The following FNDC3B variants were observed in gnomAD, a reference collection of about 807,000 sequenced individuals.
FNDC3B encodes fibronectin type III domain-containing protein 3B.
A neutral mutation model predicts 151.5 loss-of-function variants in FNDC3B; 12 were observed. The ratio of observed to expected loss-of-function variants is 0.08; its 90% confidence interval spans 0.05 to 0.13. The LOEUF is 0.13. Ranked by LOEUF, FNDC3B falls within the 10% of genes least tolerant of loss-of-function variation. The pLI is 1.00. For synonymous variants in FNDC3B, 528 were observed against 549.0 expected, an observed-to-expected ratio of 0.96 and a Z score of 0.54; for missense variants, 1,214 against 1,505.3, an observed-to-expected ratio of 0.81 and a Z score of 3.20.
chr3:172,084,696 T>A (rs1718463950), intron 1 of FNDC3B, among the ~76,000 whole-genome samples: 1 of 152,264 alleles, frequency 6.6e-6, no homozygotes, highest in Non-Finnish European at 1.5e-5. Context: ...GGTTAATTTG[T>A]CCAGTTACAT....
At chr3:172,306,513 TTTG>T (rs910657142) in intron 9 of FNDC3B, among the ~76,000 whole-genome samples, 4 of 152,232 alleles carry the variant, frequency 2.6e-5, no homozygotes, top group Non-Finnish European at 2.9e-5. Flanking sequence ...CAAAGTGTTC[TTTG>T]TTGTTGTTGT....
In FNDC3B at chr3:172,192,376, A is replaced by G. The variant is rs183470809; in HGVS notation, c.188-34495A>G. ...ATTATTTTGTGTTTTTAGTAGAGAC[A>G]GGGTTTCACCGTGTTAGCCAGGATG... On this transcript the variant is annotated intron_variant, in intron 3 of 25. Coordinates refer to ENST00000415807, the MANE Select transcript of FNDC3B (RefSeq NM_022763.4). 8.0e-3 allele frequency among the ~76,000 whole-genome samples: 1,213 copies of G among 151,900 alleles called. 11 individuals carry two copies. Among genetic ancestry groups the G allele is most frequent in the South Asian group, 0.028 (136 of 4,800 alleles).
At chr3:172,315,950 C>A (rs1489804267) in intron 11 of FNDC3B, among the ~76,000 whole-genome samples, 1 of 151,790 alleles carries the variant, frequency 6.6e-6, no homozygotes, top group African/African-American at 2.4e-5. Context: ...GGCACCCTTC[C>A]AAGCTACATT....
chr3:172,077,377 G>A (rs1304427977), intron 1 of FNDC3B, among the ~76,000 whole-genome samples: 1 of 152,174 alleles, frequency 6.6e-6, no homozygotes, highest in Non-Finnish European at 1.5e-5. Flanking sequence ...GAAAGGGCAT[G>A]GGAAGGAAGC....
chr3:172,074,578 C>T (rs1717920692), intron 1 of FNDC3B, among the ~76,000 whole-genome samples: 1 of 152,108 alleles, frequency 6.6e-6, no homozygotes, highest in Admixed American at 6.5e-5. Context: ...TGTCTTTTGG[C>T]TGTAGAGTAT....
chr3:172,201,911 A>C (rs947650140), intron 3 of FNDC3B, among the ~76,000 whole-genome samples: 11 of 152,146 alleles, frequency 7.2e-5, no homozygotes, highest in African/African-American at 2.7e-4. Flanking sequence ...TTGAAATTCA[A>C]CTTTATCTGG....
At chr3:172,185,881 T>C (rs1724150652) in intron 3 of FNDC3B, among the ~76,000 whole-genome samples, 3 of 152,220 alleles carry the variant, frequency 2.0e-5, no homozygotes, top group Admixed American at 2.0e-4. Context: ...CCAGTAAGTG[T>C]ATTGAATTTT....
chr3:172,340,305 T>TGA (rs1424824058), intron 16 of FNDC3B, among the ~76,000 whole-genome samples: 4 of 80,060 alleles, frequency 5.0e-5, no homozygotes, highest in Non-Finnish European at 2.6e-5. Context: ...TTTTTTTTTT[T>TGA]GAGAGAGTTT....
At chr3:172,160,155 C>T (rs1368162029) in intron 3 of FNDC3B, among the ~76,000 whole-genome samples, 3 of 152,204 alleles carry the variant, frequency 2.0e-5, no homozygotes, top group Non-Finnish European at 4.4e-5. Context: ...GTGGGCATTA[C>T]TATTACACAG....
intron 1 of FNDC3B, among the ~76,000 whole-genome samples, chr3:172,070,846 G>A (rs1717741593): frequency 6.6e-6 from 1 of 151,848 alleles, no homozygotes; most frequent in African/African-American, 2.4e-5. Flanking sequence ...GCAAATCTCA[G>A]GCATATTATT....
chr3:172,240,504 G>T (rs1727440764), intron 4 of FNDC3B, among the ~76,000 whole-genome samples: 2 of 152,044 alleles, frequency 1.3e-5, no homozygotes, highest in Non-Finnish European at 2.9e-5. Flanking sequence ...TAATAACTCA[G>T]GTATCCTAAT....
intron 1 of FNDC3B, among the ~76,000 whole-genome samples, chr3:172,074,554 G>C (rs1262968005): frequency 6.6e-6 from 1 of 152,210 alleles, no homozygotes; most frequent in African/African-American, 2.4e-5. Flanking sequence ...TCTTGCTTGT[G>C]ACTTAAAGAA....
intron 8 of FNDC3B, among the ~76,000 whole-genome samples, chr3:172,296,866 G>A (rs140052240): frequency 2.6e-5 from 4 of 152,266 alleles, no homozygotes; most frequent in South Asian, 2.1e-4. Flanking sequence ...GCCAACTGGG[G>A]ACTTGAGTAT....
At chr3:172,305,335 C>G (rs1224900935) in intron 9 of FNDC3B, among the ~76,000 whole-genome samples, 1 of 152,148 alleles carries the variant, frequency 6.6e-6, no homozygotes, top group African/African-American at 2.4e-5. Context: ...GTTGATATGT[C>G]TTAAATATAT....
intron 11 of FNDC3B, chr3:172,317,266 G>T (rs1414950281): frequency 2.6e-6 from 1 of 383,966 alleles, no homozygotes; most frequent in Non-Finnish European, 5.1e-6. Flanking sequence ...TCACTGCAAC[G>T]TCTGCCTCCC....
At chr3:172,304,728 T>C (rs1343847754) in intron 9 of FNDC3B, among the ~76,000 whole-genome samples, 1 of 151,942 alleles carries the variant, frequency 6.6e-6, no homozygotes, top group African/African-American at 2.4e-5. Context: ...GAAACCCCCA[T>C]CTCTACAAAA....
intron 21 of FNDC3B, among the ~76,000 whole-genome samples, chr3:172,350,020 A>G (rs2108320804): frequency 6.6e-6 from 1 of 152,324 alleles, no homozygotes; most frequent in African/African-American, 2.4e-5. Flanking sequence ...CTCTTCGGAA[A>G]AGCAGAGTAG....
intron 1 of FNDC3B, among the ~76,000 whole-genome samples, chr3:172,110,531 A>G (rs1382590276): frequency 6.6e-6 from 1 of 151,928 alleles, no homozygotes; most frequent in Non-Finnish European, 1.5e-5. Context: ...AGGCCCTGAA[A>G]TGGGTTTACT....
intron 1 of FNDC3B, among the ~76,000 whole-genome samples, chr3:172,074,485 A>T (rs1310933363): frequency 6.6e-6 from 1 of 152,242 alleles, no homozygotes. Context: ...TCTGTTTAAC[A>T]GCAACCTGTT....
Sources: allele counts gnomAD v4.1 joint callset (sites outside exome capture counted in the v4.1 genomes callset), GRCh38; gene constraint gnomAD v4.1.1; transcripts MANE v1.5; gene names NCBI Gene and HGNC (gene_info 2026-07-23, HGNC 2026-07-21).